The following MITF variants were observed in gnomAD, a reference collection of about 807,000 sequenced individuals.
MITF encodes the protein microphthalmia-associated transcription factor.
MITF carries 17 observed loss-of-function variants against 60.5 expected under a neutral mutation model. The observed-to-expected ratio is 0.28, with a 90% CI of 0.19 to 0.42. The LOEUF (loss-of-function observed/expected upper bound fraction) is 0.42. MITF is among the 10% of genes least tolerant of loss of function. MITF has a pLI of 1.00. For missense variants in MITF, 622 were observed against 683.5 expected, an observed-to-expected ratio of 0.91 and a Z score of 1.00; for synonymous variants, 260 against 248.5, an observed-to-expected ratio of 1.05 and a Z score of -0.43.
chr3:69,965,389 AT>A lies in MITF; in HGVS notation c.*145del. On this transcript the variant is annotated 3_prime_UTR_variant, in exon 10 of 10. Coordinates refer to ENST00000352241, the MANE Select transcript of MITF (RefSeq NM_001354604.2). ...ATGCTTTATCAATAGCCCAGGATATATTTTATTTTTAGAATTTTGTGAAACA... is the reference window on the plus strand; with the variant it reads ...ATGCTTTATCAATAGCCCAGGATATATTTATTTTTAGAATTTTGTGAAACA... 1 of 834,822 alleles carries A rather than the reference AT, an allele frequency of 1.2e-6. No individual in the cohort carries two copies. The highest frequency in any genetic ancestry group is 1.8e-6 in the Non-Finnish European group (1 of 548,812). 51.7% of individuals were successfully genotyped at this position (834,822 alleles called of 1,614,324 possible).
chr3:69,914,161 A>C (rs1291738355), intron 2 of MITF, among the ~76,000 whole-genome samples: 1 of 152,056 alleles, frequency 6.6e-6, no homozygotes, highest in Non-Finnish European at 1.5e-5. Flanking sequence ...TCACTTTGTC[A>C]CCCAGGCTGG....
rs1043649443 is a variant in MITF at position 69,744,777 on chromosome 3, A to G, written c.104+5076A>G. ...GTAAATTCCTTTTTGCTTTTCTTCTAATGAAGTGTTCAGATAAATATTTTA... is the reference window on the plus strand; with the variant it reads ...GTAAATTCCTTTTTGCTTTTCTTCTGATGAAGTGTTCAGATAAATATTTTA... On this transcript the variant is annotated intron_variant, in intron 1 of 9. Transcript: ENST00000352241. 4.6e-5 allele frequency among the ~76,000 whole-genome samples: 7 copies of G among 152,316 alleles called. No homozygotes were observed. In the South Asian group the frequency reaches 1.4e-3, roughly 32 times the overall value.
intron 1 of MITF, among the ~76,000 whole-genome samples, chr3:69,836,571 T>C (rs1426206877): frequency 6.6e-6 from 1 of 152,212 alleles, no homozygotes; most frequent in African/African-American, 2.4e-5. Flanking sequence ...CACATTTCTT[T>C]CTCATGACAA....
intron 1 of MITF, among the ~76,000 whole-genome samples, chr3:69,751,807 A>C (rs1703951061): frequency 6.6e-6 from 1 of 152,074 alleles, no homozygotes; most frequent in Non-Finnish European, 1.5e-5. Flanking sequence ...CTCATGTCAA[A>C]TTGTAATCCC....
intron 2 of MITF, among the ~76,000 whole-genome samples, chr3:69,917,836 TTTTTTGTTTTTG>T (rs199768270): frequency 3.9e-5 from 6 of 151,988 alleles, no homozygotes; most frequent in Middle Eastern, 3.4e-3. Context: ...ATAGAGACTG[TTTTTTGTTTTTG>T]TTTTTGTTTT....
At chr3:69,802,880 G>A (rs1379172625) in intron 1 of MITF, among the ~76,000 whole-genome samples, 4 of 147,982 alleles carry the variant, frequency 2.7e-5, no homozygotes, top group Non-Finnish European at 6.0e-5. Context: ...TAGTAGAGAC[G>A]GAGTTTCTCC....
intron 1 of MITF, among the ~76,000 whole-genome samples, chr3:69,848,784 A>G (rs944433115): frequency 2.6e-5 from 4 of 152,188 alleles, no homozygotes; most frequent in Admixed American, 2.6e-4. Flanking sequence ...GATGTTCAAA[A>G]ACAAACCCAC....
intron 5 of MITF, 71 bp downstream of exon 5, chr3:69,941,402 T>A (rs1328810199): frequency 1.1e-6 from 1 of 933,884 alleles, no homozygotes; most frequent in African/African-American, 1.7e-5. Context: ...TTCTTAAACT[T>A]TTATTTTATC....
intron 2 of MITF, among the ~76,000 whole-genome samples, chr3:69,887,554 G>GT (rs2064651124): frequency 6.6e-6 from 1 of 151,992 alleles, no homozygotes; most frequent in African/African-American, 2.4e-5. Context: ...AAATTTAGAT[G>GT]TTTTTTGTTT....
intron 1 of MITF, among the ~76,000 whole-genome samples, chr3:69,765,235 A>G (rs897802957): frequency 6.6e-6 from 1 of 152,206 alleles, no homozygotes; most frequent in Non-Finnish European, 1.5e-5. Flanking sequence ...CATTTGGATT[A>G]TTTCAATGAG....
In MITF at chr3:69,794,794, T is replaced by A. The variant is rs137988518; in HGVS notation, c.104+55093T>A. Among the ~76,000 whole-genome samples the A allele has an allele frequency of 2.0e-3, 300 of 152,326 alleles. 1 individual carries two copies. Among genetic ancestry groups the A allele is most frequent in the African/African-American group, 6.4e-3 (265 of 41,576 alleles). On this transcript the variant is annotated intron_variant, in intron 1 of 9. Transcript: ENST00000352241. ...AGCACTTCCCGAAAGAATCCATTAG[T>A]CTGACCTCAATCACTCTGACTTAGT...
chr3:69,763,474 T>G, intron 1 of MITF: 4 of 1,052,804 alleles, frequency 3.8e-6, no homozygotes, highest in Non-Finnish European at 4.6e-6. Flanking sequence ...TTCCCTGTCA[T>G]TTTAAGTAGG....
intron 1 of MITF, among the ~76,000 whole-genome samples, chr3:69,865,805 G>A (rs1189240151): frequency 1.3e-5 from 2 of 152,190 alleles, no homozygotes; most frequent in Non-Finnish European, 2.9e-5. Flanking sequence ...TGTGTGATGA[G>A]TTGATGCCCG....
intron 1 of MITF, among the ~76,000 whole-genome samples, chr3:69,744,076 G>C (rs1703632783): frequency 6.6e-6 from 1 of 152,200 alleles, no homozygotes; most frequent in Admixed American, 6.5e-5. Context: ...ATCATGGCAG[G>C]ACAGGATACA....
chr3:69,844,419 T>C (rs62252238), intron 1 of MITF, among the ~76,000 whole-genome samples: 22,283 of 152,222 alleles, frequency 0.15, 2,004 homozygotes, highest in South Asian at 0.21. Flanking sequence ...GCTAGCCATA[T>C]GTAGAAAACT....
At chr3:69,866,162 A>C in intron 1 of MITF, 2 of 1,527,306 alleles carry the variant, frequency 1.3e-6, no homozygotes, top group Non-Finnish European at 1.7e-6. Context: ...GTTCTAGCAC[A>C]GAGCTGTGTT....
At chr3:69,938,241 C>A in intron 3 of MITF, 192 bp downstream of exon 3, 1 of 1,140,236 alleles carries the variant, frequency 8.8e-7, no homozygotes, top group Non-Finnish European at 1.3e-6. Context: ...GGGTGTAGAG[C>A]ACATGACGGG....
At chr3:69,889,711 G>A (rs1575892524) in intron 2 of MITF, among the ~76,000 whole-genome samples, 1 of 152,018 alleles carries the variant, frequency 6.6e-6, no homozygotes, top group South Asian at 2.1e-4. Flanking sequence ...TATTTGACCT[G>A]TGTTTAGATT....
chr3:69,822,397 G>T (rs931185730), intron 1 of MITF, among the ~76,000 whole-genome samples: 1 of 152,108 alleles, frequency 6.6e-6, no homozygotes, highest in Non-Finnish European at 1.5e-5. Context: ...CAGATAAAAA[G>T]TTTCTTTCTT....
Sources: allele counts gnomAD v4.1 joint callset (sites outside exome capture counted in the v4.1 genomes callset), GRCh38; gene constraint gnomAD v4.1.1; transcripts MANE v1.5; gene names NCBI Gene and HGNC (gene_info 2026-07-23, HGNC 2026-07-21).